AP5Z1: variants seen among roughly 807,000 people sequenced by gnomAD.
AP5Z1 encodes adaptor related protein complex 5 subunit zeta 1.
A neutral mutation model predicts 83.0 loss-of-function variants in AP5Z1; 106 were observed. The observed-to-expected ratio is 1.28, with a 90% CI of 1.09 to 1.50. The LOEUF is 1.50. AP5Z1 is among the 40% of genes most tolerant of loss of function. AP5Z1 has a pLI of 0.00. For synonymous variants in AP5Z1, 751 were observed against 514.1 expected (o/e 1.46, Z -6.23); for missense variants, 1,565 against 1,094.2 (o/e 1.43, Z -6.07).
chr7:4,792,488 C>G lies in AP5Z1; in HGVS notation c.*1103C>G, dbSNP rs1243825652. ...TCAGGACTATGGAGGGGGCGAGTGA[C>G]GCGCAAGGAACGGAGCAGGGGACAC... On this transcript the variant is annotated 3_prime_UTR_variant, in exon 17 of 17. Coordinates refer to ENST00000649063, the MANE Select transcript of AP5Z1 (RefSeq NM_014855.3). The G allele has an allele frequency of 6.6e-6, 1 of 152,358 alleles. No homozygotes were observed. The highest frequency in any genetic ancestry group is 2.4e-5 in the African/African-American group (1 of 41,460). The allele number at this position is 152,358 out of a possible 1,614,324, so 9.4% of individuals were successfully genotyped here. A position where few individuals can be genotyped will look rare whatever the true frequency, so the allele number is the denominator to read the frequency against.
chr7:4,781,616 T>C lies in AP5Z1; in HGVS notation c.228T>C (p.Pro76=). ...TGCTGCAGGCCACCCTCGGCCTGCC[T>C]GCATGCCCCGAGCAGCTCCAGGTGC... ...VDLLQATLGL[P]ACPEQLQVLC... is the part of the protein sequence containing the mutation. The change falls in exon 3 of 17, where the codon CCT becomes CCC. Residue 76 remains proline, a synonymous_variant. Transcript: ENST00000649063. 6.2e-7 allele frequency: 1 copy of C among 1,610,074 alleles called. No homozygotes were observed. Among genetic ancestry groups the C allele is most frequent in the Non-Finnish European group, 8.5e-7 (1 of 1,177,748 alleles).
intron 1 of AP5Z1, among the ~76,000 whole-genome samples, chr7:4,776,721 C>T (rs753773883): frequency 2.0e-5 from 3 of 151,810 alleles, no homozygotes; most frequent in Admixed American, 1.3e-4. Context: ...GGGGACAGAG[C>T]GAAACTCCGT....
rs780361298 is a variant in AP5Z1 at position 4,784,351 on chromosome 7, G to T, written c.770G>T (p.Gly257Val). ...TGGCTGCTGCACAGCGGCCCCGAGG[G>T]CCCGGGCACCCTGGACACAGGTGTG... The part of the protein sequence containing the change: ...RAWLLHSGPE[G>V]PGTLDTDDRS... The change falls in exon 6 of 17, where the codon GGC (glycine) becomes GTC (valine). Residue 257 changes from glycine (G) to valine (V), a missense_variant. By Grantham distance (109) the Gly-to-Val change is moderately radical. Coordinates refer to ENST00000649063, the MANE Select transcript of AP5Z1 (RefSeq NM_014855.3). 7 of 1,596,904 alleles carry T rather than the reference G, an allele frequency of 4.4e-6. No homozygotes were observed. The highest frequency in any genetic ancestry group is 2.7e-5 in the African/African-American group (2 of 74,692).
chr7:4,783,893 G>C (rs1046042065), intron 5 of AP5Z1, 95 bp downstream of exon 5: 8 of 1,304,682 alleles, frequency 6.1e-6, no homozygotes, highest in Non-Finnish European at 8.4e-6. Context: ...GCCTGCTGTC[G>C]TTCCGCGGGG....
At chr7:4,779,052 A>G (rs1781300497) in intron 1 of AP5Z1, among the ~76,000 whole-genome samples, 1 of 146,076 alleles carries the variant, frequency 6.8e-6, no homozygotes, top group South Asian at 2.1e-4. Flanking sequence ...ATATAGATAG[A>G]TAGATAGATA....
intron 14 of AP5Z1, 68 bp downstream of exon 14, chr7:4,789,997 T>TC: frequency 2.1e-5 from 8 of 385,904 alleles, no homozygotes; most frequent in Non-Finnish European, 2.3e-5. Context: ...CCCTCTCCCC[T>TC]CCCCCCTCCC....
chr7:4,789,728 TCCAGCCCCTCACCTGCCCC>T lies in AP5Z1; in HGVS notation c.1708-96_1708-78del, dbSNP rs1781686414. 1.7e-5 allele frequency: 14 copies of T among 807,108 alleles called. 1 individual carries two copies. The South Asian group carries it at 2.1e-4, about 12-fold the overall frequency. 50.0% of individuals were successfully genotyped at this position (807,108 alleles called of 1,614,324 possible). ...TGGGGAAGGCAGTGGACGAGGAGTC[TCCAGCCCCTCACCTGCCCC>T]CCAGCCCTCACCATGGCTTCACCCC... On this transcript the variant is annotated intron_variant, in intron 13 of 16. Transcript: ENST00000649063.
At position 4,790,425 on chromosome 7, in the gene AP5Z1, C is replaced by T. The variant is rs371452892; in HGVS notation, c.1806-34C>T. 77 of 1,612,612 alleles carry T rather than the reference C, an allele frequency of 4.8e-5. No individual in the cohort carries two copies. In the East Asian group the frequency reaches 1.4e-3, roughly 29 times the overall value. On this transcript the variant is annotated intron_variant, in intron 14 of 16. Transcript: ENST00000649063. ...GGATGGGGATGGGGTCATAGGTCTG[C>T]ACAGAGCAGGCGTAGACCCGGCTTT...
At chr7:4,781,364 A>T in intron 2 of AP5Z1, 52 bp downstream of exon 2, 2 of 1,607,932 alleles carry the variant, frequency 1.2e-6, no homozygotes, top group Non-Finnish European at 1.7e-6. Context: ...CCCCAGGAGA[A>T]CCCAGCCCAC....
Position 4,793,125 on chromosome 7 carries a change from C to T in AP5Z1, c.*1740C>T, listed in dbSNP as rs1051926022. 2 of 152,380 alleles carry T rather than the reference C, an allele frequency of 1.3e-5. No individual in the cohort carries two copies. The highest frequency in any genetic ancestry group is 4.8e-5 in the African/African-American group (2 of 41,484). 9.4% of individuals were successfully genotyped at this position (152,380 alleles called of 1,614,324 possible). ...GAGTGTGACTTGAAGGGCCGTCCCGCTCATCCAAGGGACAAGGAGGAGCTC... is the reference window on the plus strand; with the variant it reads ...GAGTGTGACTTGAAGGGCCGTCCCGTTCATCCAAGGGACAAGGAGGAGCTC... On this transcript the variant is annotated 3_prime_UTR_variant, in exon 17 of 17. Coordinates refer to ENST00000649063, the MANE Select transcript of AP5Z1 (RefSeq NM_014855.3).
chr7:4,781,397 C>A, intron 2 of AP5Z1, 85 bp downstream of exon 2: 1 of 1,592,666 alleles, frequency 6.3e-7, no homozygotes. Context: ...ACTGCAGATG[C>A]TCCTTGGGGG....
At chr7:4,786,174 A>G (rs1781537416) in intron 9 of AP5Z1, 76 bp from the exon 10 acceptor site, 2 of 1,406,742 alleles carry the variant, frequency 1.4e-6, no homozygotes, top group East Asian at 2.4e-5. Flanking sequence ...CCTGAGACTC[A>G]GGGCCCCTAA....
chr7:4,789,015 C>T, intron 13 of AP5Z1, 64 bp downstream of exon 13: 1 of 1,411,616 alleles, frequency 7.1e-7, no homozygotes, highest in South Asian at 1.2e-5. Context: ...AGGCCAGAGC[C>T]AGCACTGGGG....
Position 4,793,763 on chromosome 7 carries a change from TC to T in AP5Z1, c.*2384del, listed in dbSNP as rs944621923. The T allele has an allele frequency of 6.5e-5, 10 of 154,528 alleles. No homozygotes were observed. Among genetic ancestry groups the T allele is most frequent in the Non-Finnish European group, 8.6e-5 (6 of 69,914 alleles). The allele number at this position is 154,528 out of a possible 1,614,324, so 9.6% of individuals were successfully genotyped here. A position where few individuals can be genotyped will look rare whatever the true frequency, so the allele number is the denominator to read the frequency against. ...ACCTGCAGCCCGCCATGCCTGAGCC[TC>T]CCCCCTCCCCTCCGTGGGTTCCTGC... On this transcript the variant is annotated 3_prime_UTR_variant, in exon 17 of 17. Coordinates refer to ENST00000649063, the MANE Select transcript of AP5Z1 (RefSeq NM_014855.3).
In AP5Z1 at chr7:4,789,020, C is replaced by T. The variant is rs879156999; in HGVS notation, c.1707+69C>T. 6.7e-6 allele frequency: 9 copies of T among 1,345,658 alleles called. No individual in the cohort carries two copies. In the South Asian group the frequency reaches 9.1e-5, roughly 14 times the overall value. The allele number at this position is 1,345,658 out of a possible 1,614,324, so 83.4% of individuals were successfully genotyped here. ...ACTGAGGGGCAGGCCAGAGCCAGCA[C>T]TGGGGGGCCCTCTTGAGCTCTGCAG... On this transcript the variant is annotated intron_variant, in intron 13 of 16. Transcript: ENST00000649063.
intron 9 of AP5Z1, 116 bp downstream of exon 9, chr7:4,785,800 T>A: frequency 2.3e-6 from 3 of 1,313,738 alleles, no homozygotes; most frequent in Non-Finnish European, 3.0e-6. Flanking sequence ...GAGACAGGGG[T>A]CTTGCTGTGT....
chr7:4,785,134 G>A (rs1381834378), intron 7 of AP5Z1, 86 bp downstream of exon 7: 13 of 1,511,078 alleles, frequency 8.6e-6, no homozygotes, highest in Non-Finnish European at 6.2e-6. Flanking sequence ...CAGCTTCCCT[G>A]AGCTACTGCT....
At position 4,779,673 on chromosome 7, in the gene AP5Z1, T is replaced by A. The variant is rs555470991; in HGVS notation, c.42-1502T>A. Among the ~76,000 whole-genome samples the A allele has an allele frequency of 2.6e-3, 395 of 151,690 alleles. 6 individuals carry two copies. The highest frequency in any genetic ancestry group is 9.1e-3 in the African/African-American group (378 of 41,372). On this transcript the variant is annotated intron_variant, in intron 1 of 16. Coordinates refer to ENST00000649063, the MANE Select transcript of AP5Z1 (RefSeq NM_014855.3). Reference sequence around the variant, plus strand: ...TTTTGTTTTTGAGACGGAGTTTTGCTCTCGTTGCCCAAGCTGGGGTGCAAT... The same window carrying A: ...TTTTGTTTTTGAGACGGAGTTTTGCACTCGTTGCCCAAGCTGGGGTGCAAT...
rs764791853 is a variant in AP5Z1, at chr7:4,790,807, C to G, written c.2073C>G (p.Pro691=). 1 of 1,609,310 alleles carries G rather than the reference C, an allele frequency of 6.2e-7. No individual in the cohort carries two copies. The highest frequency in any genetic ancestry group is 2.2e-5 in the East Asian group (1 of 44,776). ...AGTGCCGCCCCTCTGCTGCCCTGCC[C>G]AGGTGTCCCCCCCAGGTGGTCACCG... is the stretch of plus-strand genomic sequence containing the variant. The part of the protein sequence containing the change: ...VTQCRPSAAL[P]RCPPQVVTVL... Residue 691 remains proline, a synonymous_variant, in exon 16 of 17, where the codon CCC becomes CCG. Transcript: ENST00000649063.
Sources: gnomAD v4.1 joint callset for allele counts (sites outside exome capture counted in the v4.1 genomes callset) on GRCh38, gnomAD v4.1.1 for gene constraint, MANE v1.5 for transcripts, NCBI Gene and HGNC (gene_info 2026-07-23, HGNC 2026-07-21) for gene names.